Variants in CATSPERG observed in about 807,000 individuals in gnomAD.
The protein encoded by CATSPERG is cation channel sperm-associated auxiliary subunit gamma.
A neutral mutation model predicts 145.0 loss-of-function variants in CATSPERG; 115 were observed. The observed-to-expected ratio is 0.79, with a 90% CI of 0.68 to 0.93. The LOEUF is 0.93. CATSPERG is among the 40% of genes least tolerant of loss of function. The pLI, the probability that CATSPERG is intolerant of heterozygous loss-of-function variation, is 0.00. For missense variants in CATSPERG, 1,296 were observed against 1,490.1 expected, an observed-to-expected ratio of 0.87 and a Z score of 2.14; for synonymous variants, 588 against 589.0, an observed-to-expected ratio of 1.00 and a Z score of 0.02.
chr19:38,354,740 GCAT>G lies in CATSPERG; in HGVS notation c.1031_1033del (p.Ile344del). On this transcript the variant is annotated inframe_deletion, in exon 9 of 29. Transcript: ENST00000409235. Reference sequence around the variant, plus strand: ...TGGATTCGTGTCCTGGCCAGCGAGTGCATCAAGAAGCTGTGCCCTGTGTATTTC... The same window carrying G: ...TGGATTCGTGTCCTGGCCAGCGAGTGCAAGAAGCTGTGCCCTGTGTATTTC... The G allele has an allele frequency of 6.2e-7, 1 of 1,614,164 alleles. No individual in the cohort carries two copies. Among genetic ancestry groups the G allele is most frequent in the Non-Finnish European group, 8.5e-7 (1 of 1,180,002 alleles).
chr19:38,367,610 G>A lies in CATSPERG; in HGVS notation c.2834+38G>A, dbSNP rs770023575. The A allele has an allele frequency of 7.4e-6, 12 of 1,612,548 alleles. No individual in the cohort carries two copies. In the Admixed American group the frequency reaches 1.3e-4, roughly 18 times the overall value. The stretch of plus-strand genomic sequence containing the variant: ...CCAGCTTGCAGCTAGGGCAGGTGGA[G>A]GGAGTGGAAGGAGATGGGTGCAGGA... On this transcript the variant is annotated intron_variant, in intron 24 of 28. Transcript: ENST00000409235.
chr19:38,345,741 C>T (rs1435754009), intron 6 of CATSPERG, among the ~76,000 whole-genome samples: 1 of 151,122 alleles, frequency 6.6e-6, no homozygotes, highest in East Asian at 2.0e-4. Flanking sequence ...CTTGAACTCC[C>T]AACCAGGTGA....
intron 13 of CATSPERG, 27 bp from the exon 14 acceptor site, chr19:38,359,443 C>T: frequency 6.6e-7 from 1 of 1,513,402 alleles, no homozygotes; most frequent in South Asian, 1.1e-5. Flanking sequence ...CCAGCATGCG[C>T]CTAGCTCTCC....
In CATSPERG at chr19:38,344,897, A is replaced by AT. The variant is rs1338386699; in HGVS notation, c.669+530dup. Among the ~76,000 whole-genome samples, 37 of 104,628 alleles carry AT rather than the reference A, an allele frequency of 3.5e-4. 3 individuals carry two copies. Among genetic ancestry groups the AT allele is most frequent in the Non-Finnish European group, 5.8e-4 (30 of 51,774 alleles). The allele number at this position is 104,628 out of a possible 152,430, so 68.6% of individuals were successfully genotyped here. ...CACACACACACATATATATATATAT[A>AT]TATATTTTTTTTTTTTTTTTTTTTT... On this transcript the variant is annotated intron_variant, in intron 6 of 28. Coordinates refer to ENST00000409235, the MANE Select transcript of CATSPERG (RefSeq NM_021185.5).
intron 3 of CATSPERG, among the ~76,000 whole-genome samples, chr19:38,339,003 G>A (rs779545041): frequency 6.6e-6 from 1 of 152,134 alleles, no homozygotes; most frequent in Non-Finnish European, 1.5e-5. Context: ...GAAAAAGGCA[G>A]TTTGAGAGAG....
Position 38,358,534 on chromosome 19 carries a change from T to C in CATSPERG, c.1469T>C (p.Phe490Ser). The C allele has an allele frequency of 6.2e-7, 1 of 1,614,170 alleles. No individual in the cohort carries two copies. The highest frequency in any genetic ancestry group is 8.5e-7 in the Non-Finnish European group (1 of 1,180,028). The change falls in exon 13 of 29, where the codon TTC becomes TCC. Residue 490 changes from phenylalanine (F) to serine (S), a missense_variant. Coordinates refer to ENST00000409235, the MANE Select transcript of CATSPERG (RefSeq NM_021185.5). ...TGTAACCCGTACAACAATCTGATCT[T>C]CATCTGGGGCAACTTCCTCCTGCAG... ...IFCNPYNNLIFIWGNFLLQSS... is the reference protein window; with the variant it reads ...IFCNPYNNLISIWGNFLLQSS...
chr19:38,342,077 T>TA (rs36074744), intron 3 of CATSPERG, among the ~76,000 whole-genome samples: 8 of 125,034 alleles, frequency 6.4e-5, no homozygotes, highest in Admixed American at 1.6e-4. Flanking sequence ...GACCTTATCT[T>TA]AAAAAAAAAA....
chr19:38,343,779 TG>T, intron 4 of CATSPERG, 55 bp downstream of exon 4: 1 of 1,511,462 alleles, frequency 6.6e-7, no homozygotes. Flanking sequence ...TGGGGTTTGC[TG>T]GGGGCCTCTG....
chr19:38,338,479 G>A (rs1407722315), intron 3 of CATSPERG, among the ~76,000 whole-genome samples: 1 of 152,112 alleles, frequency 6.6e-6, no homozygotes, highest in Non-Finnish European at 1.5e-5. Flanking sequence ...ATGAGTAGGA[G>A]TTTACCATAT....
At position 38,356,586 on chromosome 19, in the gene CATSPERG, A is replaced by T. The variant is rs777842326; in HGVS notation, c.1195+43A>T. 1.2e-5 allele frequency: 19 copies of T among 1,605,166 alleles called. No homozygotes were observed. In the East Asian group the frequency reaches 3.8e-4, roughly 32 times the overall value. ...GGGTCTGCGGTGGGAGGCTGGGGGAACTGAGGATGCAGAAGAGCAGGGGAG... is the reference window on the plus strand; with the variant it reads ...GGGTCTGCGGTGGGAGGCTGGGGGATCTGAGGATGCAGAAGAGCAGGGGAG... On this transcript the variant is annotated intron_variant, in intron 10 of 28. Coordinates refer to ENST00000409235, the MANE Select transcript of CATSPERG (RefSeq NM_021185.5).
chr19:38,364,538 G>A (rs1970414117), intron 20 of CATSPERG, among the ~76,000 whole-genome samples: 1 of 152,250 alleles, frequency 6.6e-6, no homozygotes, highest in Non-Finnish European at 1.5e-5. Flanking sequence ...GGCAGAGGCT[G>A]CACTCTTGGC....
At chr19:38,352,585 T>G in intron 8 of CATSPERG, 153 bp downstream of exon 8, 7 of 622,688 alleles carry the variant, frequency 1.1e-5, no homozygotes, top group East Asian at 6.0e-5. Flanking sequence ...CGAATGGGCC[T>G]TGCCTTGCCC....
chr19:38,369,540 T>C (rs1970511458), intron 26 of CATSPERG: 3 of 268,434 alleles, frequency 1.1e-5, no homozygotes, highest in Middle Eastern at 8.6e-4. Flanking sequence ...GTATTATAGG[T>C]GTGAACCACT....
chr19:38,343,192 A>C (rs1270129490), intron 3 of CATSPERG, among the ~76,000 whole-genome samples: 1 of 151,996 alleles, frequency 6.6e-6, no homozygotes, highest in Admixed American at 6.6e-5. Context: ...TGGAACTGGG[A>C]ATCCCTGGAG....
At position 38,349,671 on chromosome 19, in the gene CATSPERG, TG is replaced by T. The variant is rs1286196681; in HGVS notation, c.826-2589del. On this transcript the variant is annotated intron_variant, in intron 7 of 28. Transcript: ENST00000409235. ...TTTTTTGTTTGTTTGTTTGTTTGTT[TG>T]TTTGTTTTTTGAGACAGAGTCTCGC... 646 of 153,986 alleles carry T rather than the reference TG, an allele frequency of 4.2e-3. 3 individuals are homozygous for T. The highest frequency in any genetic ancestry group is 0.014 in the African/African-American group (592 of 41,402). 9.5% of individuals were successfully genotyped at this position (153,986 alleles called of 1,614,324 possible).
chr19:38,352,301 C>T lies in CATSPERG; in HGVS notation c.866C>T (p.Pro289Leu). The change falls in exon 8 of 29, where the codon CCC (proline) becomes CTC (leucine). Residue 289 changes from proline to leucine, a missense_variant. Coordinates refer to ENST00000409235, the MANE Select transcript of CATSPERG (RefSeq NM_021185.5). ...TGCTGGGTGGGCTCCTTCTACTGCC[C>T]CCATTCTGGCTTCACAGCCACCATC... ...DSCWVGSFYC[P>L]HSGFTATIYD... is the part of the protein sequence containing the mutation. 1 of 1,551,694 alleles carries T rather than the reference C, an allele frequency of 6.4e-7. No individual in the cohort carries two copies. Among genetic ancestry groups the T allele is most frequent in the Non-Finnish European group, 8.7e-7 (1 of 1,147,104 alleles).
chr19:38,337,092 GGGCCAGGAGCAAGAGCCGGGGCGT>G (rs1295462778), intron 1 of CATSPERG, 105 bp from the exon 2 acceptor site: 42 of 1,155,546 alleles, frequency 3.6e-5, no homozygotes, highest in African/African-American at 1.1e-4. Flanking sequence ...TGCAGGGGCG[GGGCCAGGAGCAAGAGCCGGGGCGT>G]GGCCAGGAGC....
chr19:38,344,901 A>ATATAT (rs1468159196), intron 6 of CATSPERG, among the ~76,000 whole-genome samples: 1 of 80,018 alleles, frequency 1.2e-5, no homozygotes, highest in East Asian at 5.1e-4. Flanking sequence ...ATATATATAT[A>ATATAT]TTTTTTTTTT....
intron 2 of CATSPERG, 25 bp from the exon 3 acceptor site, chr19:38,337,568 C>G (rs765191605): frequency 1.3e-4 from 204 of 1,551,650 alleles, no homozygotes; most frequent in Non-Finnish European, 1.7e-4. Flanking sequence ...CATTTCTGGA[C>G]GTGTGGCCTA....
Sources: allele counts gnomAD v4.1 joint callset (sites outside exome capture counted in the v4.1 genomes callset), GRCh38; gene constraint gnomAD v4.1.1; transcripts MANE v1.5; gene names NCBI Gene and HGNC (gene_info 2026-07-23, HGNC 2026-07-21).